Variants in BCAS3 observed in about 807,000 individuals in gnomAD.
The protein encoded by BCAS3 is BCAS3 microtubule associated cell migration factor.
BCAS3 carries 53 observed loss-of-function variants against 116.1 expected under a neutral mutation model. The observed-to-expected ratio is 0.46, with a 90% CI of 0.37 to 0.57. The LOEUF (loss-of-function observed/expected upper bound fraction) is 0.57, where lower values mean the gene tolerates loss of function less well. Ranked by LOEUF, BCAS3 falls within the 20% of genes least tolerant of loss-of-function variation. The probability of loss-of-function intolerance (pLI) is 0.00; values close to 1 mark genes in which losing one functional copy is unlikely to be tolerated. For synonymous variants in BCAS3, 391 were observed against 408.2 expected (o/e 0.96, Z 0.51); for missense variants, 917 against 1,165.4 (o/e 0.79, Z 3.10).
intron 9 of BCAS3, among the ~76,000 whole-genome samples, chr17:60,888,450 T>G (rs984929143): frequency 6.6e-5 from 10 of 152,194 alleles, no homozygotes; most frequent in African/African-American, 2.4e-4. Context: ...ATATTTATCC[T>G]CATTTCTCCA....
At chr17:60,679,401 A>G in intron 1 of BCAS3, 52 bp from the exon 2 acceptor site, 4 of 1,416,120 alleles carry the variant, frequency 2.8e-6, no homozygotes, top group Non-Finnish European at 4.0e-6. Flanking sequence ...CCTACCCCCA[A>G]CAACGATCCA....
At chr17:60,683,846 CAA>C in intron 2 of BCAS3, 134 bp from the exon 3 acceptor site, 1 of 770,166 alleles carries the variant, frequency 1.3e-6, no homozygotes, top group Non-Finnish European at 2.1e-6. Flanking sequence ...CAAAACAAAA[CAA>C]AACAAACAAA....
chr17:60,930,269 C>T (rs189970530), intron 13 of BCAS3, among the ~76,000 whole-genome samples: 6 of 152,076 alleles, frequency 3.9e-5, no homozygotes, highest in Non-Finnish European at 8.8e-5. Context: ...TGTAATATGG[C>T]TAATAAAAAC....
chr17:60,830,388 C>G (rs1170771542), intron 7 of BCAS3, among the ~76,000 whole-genome samples: 3 of 152,052 alleles, frequency 2.0e-5, no homozygotes, highest in African/African-American at 7.2e-5. Context: ...GGAAAACTTA[C>G]CTGGAAAATG....
chr17:61,311,185 G>A (rs2054277381), intron 22 of BCAS3, among the ~76,000 whole-genome samples: 1 of 152,150 alleles, frequency 6.6e-6, no homozygotes, highest in Non-Finnish European at 1.5e-5. Flanking sequence ...CATATCTTAT[G>A]TGAATGTGCC....
intron 5 of BCAS3, among the ~76,000 whole-genome samples, chr17:60,731,795 T>C (rs1469072037): frequency 6.6e-6 from 1 of 151,574 alleles, no homozygotes; most frequent in Non-Finnish European, 1.5e-5. Context: ...TTTTTTTTTT[T>C]TGAGGCAGAG....
At chr17:61,359,783 G>A (rs1052330463) in intron 22 of BCAS3, among the ~76,000 whole-genome samples, 15 of 152,138 alleles carry the variant, frequency 9.9e-5, no homozygotes, top group Non-Finnish European at 1.5e-4. Context: ...GAGCCACTGC[G>A]CCTGGCCAGG....
At chr17:61,064,920 G>A (rs2070455143) in intron 19 of BCAS3, among the ~76,000 whole-genome samples, 2 of 152,170 alleles carry the variant, frequency 1.3e-5, no homozygotes, top group African/African-American at 4.8e-5. Context: ...CTAATCAACA[G>A]AACAGCCAGT....
rs1273815269 is a variant in BCAS3 at position 61,366,293 on chromosome 17, G to A, written c.2426-2034G>A. On this transcript the variant is annotated intron_variant, in intron 22 of 23. Transcript: ENST00000407086. The surrounding 1 kb of genome is among the most constrained non-coding windows in gnomAD (Gnocchi z 4.5). ...TCTTGTCAAATAAGGTCTAGTGGGG[G>A]AAGTGCTGGAAGTGGGGACTTTGCT... 1.3e-5 allele frequency among the ~76,000 whole-genome samples: 2 copies of A among 152,320 alleles called. No homozygotes were observed. The highest frequency in any genetic ancestry group is 3.9e-4 in the East Asian group (2 of 5,184).
chr17:60,753,387 ATTT>A (rs922247236), intron 6 of BCAS3, among the ~76,000 whole-genome samples: 1 of 119,280 alleles, frequency 8.4e-6, no homozygotes, highest in African/African-American at 4.1e-5. Flanking sequence ...CTCTTATTTT[ATTT>A]ATTTATTTAT....
intron 22 of BCAS3, among the ~76,000 whole-genome samples, chr17:61,292,717 C>T (rs1192459788): frequency 1.3e-5 from 2 of 152,040 alleles, no homozygotes; most frequent in Non-Finnish European, 2.9e-5. Context: ...CAGGTGTGGC[C>T]AGGTTGGGAG....
At chr17:61,230,339 A>C (rs986239269) in intron 22 of BCAS3, among the ~76,000 whole-genome samples, 1 of 152,012 alleles carries the variant, frequency 6.6e-6, no homozygotes, top group African/African-American at 2.4e-5. Flanking sequence ...GAGGTTATAA[A>C]TTTTTTTCTC....
chr17:61,370,911 C>G (rs908278121), intron 23 of BCAS3, among the ~76,000 whole-genome samples: 5 of 152,200 alleles, frequency 3.3e-5, no homozygotes, highest in Admixed American at 6.5e-5. Flanking sequence ...GTAAGAATTT[C>G]CAGCAAGCCA....
In BCAS3 at chr17:60,735,864, T is replaced by C. The variant is rs540214548; in HGVS notation, c.322-11334T>C. On this transcript the variant is annotated intron_variant, in intron 5 of 23. Coordinates refer to ENST00000407086, the MANE Select transcript of BCAS3 (RefSeq NM_017679.5). ...ATAGGTGTTGGATTTTGTCATATGCTTTTTCTGCATCTATTATTTGACCAT... is the reference window on the plus strand; with the variant it reads ...ATAGGTGTTGGATTTTGTCATATGCCTTTTCTGCATCTATTATTTGACCAT... Among the ~76,000 whole-genome samples the C allele has an allele frequency of 2.0e-5, 3 of 152,282 alleles. No homozygotes were observed. In the South Asian group the frequency reaches 6.2e-4, roughly 32 times the overall value.
intron 12 of BCAS3, among the ~76,000 whole-genome samples, chr17:60,922,928 A>G (rs2059182120): frequency 6.6e-6 from 1 of 152,240 alleles, no homozygotes; most frequent in Non-Finnish European, 1.5e-5. Context: ...TTTATGGAGT[A>G]TAACTATAGT....
chr17:61,278,129 C>T lies in BCAS3; in HGVS notation c.2426-90198C>T, dbSNP rs779539859. On this transcript the variant is annotated intron_variant, in intron 22 of 23. Coordinates refer to ENST00000407086, the MANE Select transcript of BCAS3 (RefSeq NM_017679.5). This position sits in a 1 kb window ranked among gnomAD's most constrained non-coding sequence, Gnocchi z 5.8. ...TTGGTTCACTGCAACCTCTGCCTCC[C>T]GGGTCCTGATTCAAGCAATTCTCCT... Among the ~76,000 whole-genome samples, 1 of 152,178 alleles carries T rather than the reference C, an allele frequency of 6.6e-6. No individual in the cohort carries two copies. Among genetic ancestry groups the T allele is most frequent in the Non-Finnish European group, 1.5e-5 (1 of 68,028 alleles).
intron 5 of BCAS3, among the ~76,000 whole-genome samples, chr17:60,745,105 C>T (rs1568152824): frequency 6.6e-6 from 1 of 151,490 alleles, no homozygotes; most frequent in Non-Finnish European, 1.5e-5. Context: ...TTTGATAGGA[C>T]CAAAAGCTAA....
At chr17:61,236,459 A>G (rs1385708018) in intron 22 of BCAS3, among the ~76,000 whole-genome samples, 2 of 152,126 alleles carry the variant, frequency 1.3e-5, no homozygotes, top group Non-Finnish European at 2.9e-5. Flanking sequence ...AGCTGGGACT[A>G]TAGGCACCCG....
intron 7 of BCAS3, among the ~76,000 whole-genome samples, chr17:60,837,833 G>C (rs1403128480): frequency 6.6e-6 from 1 of 151,942 alleles, no homozygotes; most frequent in Non-Finnish European, 1.5e-5. Context: ...TGTATTTTTA[G>C]TAGAGGAGGG....
Sources: allele counts gnomAD v4.1 joint callset (sites outside exome capture counted in the v4.1 genomes callset), GRCh38; gene constraint gnomAD v4.1.1; non-coding constraint Gnocchi (gnomAD v3.1); transcripts MANE v1.5; gene names NCBI Gene and HGNC (gene_info 2026-07-23, HGNC 2026-07-21).